The following ADAMTS19 variants were observed in gnomAD, a reference collection of about 807,000 sequenced individuals.
The protein encoded by ADAMTS19 is ADAM metallopeptidase with thrombospondin type 1 motif 19.
In ADAMTS19, 93 loss-of-function variants were observed where a neutral mutation model predicts 153.3. The observed-to-expected ratio is 0.61, with a 90% CI of 0.51 to 0.72. The LOEUF (loss-of-function observed/expected upper bound fraction) is 0.72, where lower values mean the gene tolerates loss of function less well. ADAMTS19 is among the 30% of genes least tolerant of loss of function. The probability of loss-of-function intolerance (pLI) is 0.00; values close to 1 mark genes in which losing one functional copy is unlikely to be tolerated. For missense variants in ADAMTS19, 1,482 were observed against 1,552.1 expected (o/e 0.95, Z 0.76); for synonymous variants, 600 against 556.6 (o/e 1.08, Z -1.10).
In ADAMTS19 at chr5:129,737,337, T is replaced by A; in HGVS notation, c.*119T>A. On this transcript the variant is annotated 3_prime_UTR_variant, in exon 23 of 23. Transcript: ENST00000274487. ...TACATATAATTTAATCAAATTAATT[T>A]ATTTTTTTGCCTGCCAAACATCCAA... The A allele has an allele frequency of 8.8e-7, 1 of 1,130,440 alleles. No individual in the cohort carries two copies. Among genetic ancestry groups the A allele is most frequent in the Non-Finnish European group, 1.2e-6 (1 of 869,344 alleles). The allele number at this position is 1,130,440 out of a possible 1,614,324, so 70.0% of individuals were successfully genotyped here.
rs906572539 is a variant in ADAMTS19 at position 129,658,702 on chromosome 5, T to C, written c.2390T>C (p.Ile797Thr). 5 of 1,612,986 alleles carry C rather than the reference T, an allele frequency of 3.1e-6. No individual in the cohort carries two copies. The highest frequency in any genetic ancestry group is 4.2e-6 in the Non-Finnish European group (5 of 1,179,404). The change falls in exon 15 of 23, where the codon ATC (isoleucine) becomes ACC (threonine). Residue 797 changes from isoleucine (I) to threonine (T), a missense_variant. By Grantham distance (89) the Ile-to-Thr change is moderately conservative. Around this residue, in one of 2 missense-constraint regions of ADAMTS19, gnomAD observed 616 missense variants for 724.4 expected, o/e 0.85. Coordinates refer to ENST00000274487, the MANE Select transcript of ADAMTS19 (RefSeq NM_133638.6). ...AATGGCAATGGAAAATCATGCAAGA[T>C]CATTAAAGGGGATTTTAATCACACC... is the stretch of plus-strand genomic sequence containing the variant. Reference protein sequence around the residue: ...VCNGNGKSCKIIKGDFNHTRG... With the variant: ...VCNGNGKSCKTIKGDFNHTRG...
chr5:129,532,526 GA>G (rs1055857089), intron 6 of ADAMTS19, among the ~76,000 whole-genome samples: 178 of 152,206 alleles, frequency 1.2e-3, no homozygotes, highest in African/African-American at 4.2e-3. Context: ...ACTGGAAAAT[GA>G]GTAGTTTCTT....
chr5:129,519,075 A>C (rs10477708), intron 3 of ADAMTS19, among the ~76,000 whole-genome samples: 14,314 of 151,858 alleles, frequency 0.094, 1,193 homozygotes, highest in African/African-American at 0.23. Flanking sequence ...GTGTTCTATC[A>C]CTCTGTGGCT....
rs150982685 is a variant in ADAMTS19 at position 129,586,675 on chromosome 5, G to A, written c.1373-9884G>A. ...CTGCTTTAGGTAAATACTAACTAGT[G>A]TGATTGCTGGATCATATGGTAAGAG... On this transcript the variant is annotated intron_variant, in intron 7 of 22. Transcript: ENST00000274487. Among the ~76,000 whole-genome samples, 130 of 152,294 alleles carry A rather than the reference G, an allele frequency of 8.5e-4. 1 individual carries two copies. The highest frequency in any genetic ancestry group is 4.2e-3 in the Admixed American group (64 of 15,300).
chr5:129,620,661 G>A lies in ADAMTS19; in HGVS notation c.1522G>A (p.Gly508Ser). Reference sequence around the variant, plus strand: ...CAATGACCACCCATCGTGTGCTGATGGTCTTCATATCATGTCTGGTGAATG... The same window carrying A: ...CAATGACCACCCATCGTGTGCTGATAGTCTTCATATCATGTCTGGTGAATG... ...HDNDHPSCAD[G>S]LHIMSGEWIK... The change falls in exon 9 of 23, where the codon GGT becomes AGT. Residue 508 changes from glycine to serine, a missense_variant. Physicochemically the swap from Gly to Ser is moderately conservative, Grantham distance 56. Transcript: ENST00000274487. 6.2e-7 allele frequency: 1 copy of A among 1,612,014 alleles called. No individual in the cohort carries two copies.
intron 16 of ADAMTS19, 50 bp downstream of exon 16, chr5:129,665,629 C>T (rs1398270664): frequency 2.1e-6 from 3 of 1,415,078 alleles, no homozygotes; most frequent in Admixed American, 3.6e-5. Context: ...GCCCAACTCC[C>T]TGCCCTGAGA....
At chr5:129,644,120 T>G (rs1309376123) in intron 11 of ADAMTS19, among the ~76,000 whole-genome samples, 2 of 152,236 alleles carry the variant, frequency 1.3e-5, no homozygotes, top group African/African-American at 2.4e-5. Flanking sequence ...ATTTTGGCAG[T>G]TAAAACTGTA....
intron 7 of ADAMTS19, among the ~76,000 whole-genome samples, chr5:129,581,541 A>T (rs554844319): frequency 3.8e-4 from 54 of 141,990 alleles, no homozygotes; most frequent in African/African-American, 9.0e-4. Flanking sequence ...ATAATCTTTT[A>T]AAAAAAAAAA....
intron 13 of ADAMTS19, among the ~76,000 whole-genome samples, chr5:129,651,562 G>A (rs1423304418): frequency 2.0e-5 from 3 of 152,106 alleles, no homozygotes; most frequent in African/African-American, 2.4e-5. Flanking sequence ...TACCAGCTGG[G>A]TTTTGACATA....
intron 21 of ADAMTS19, among the ~76,000 whole-genome samples, chr5:129,710,124 C>T (rs9327533): frequency 0.16 from 23,722 of 151,918 alleles, 2,067 homozygotes; most frequent in East Asian, 0.3. Flanking sequence ...TGCTCTTCCT[C>T]CCCCTGCCTC....
chr5:129,724,391 G>A (rs1174870015), intron 21 of ADAMTS19, among the ~76,000 whole-genome samples: 1 of 152,104 alleles, frequency 6.6e-6, no homozygotes, highest in East Asian at 1.9e-4. Context: ...AGGGAGGAGG[G>A]TATAATCAGG....
intron 3 of ADAMTS19, among the ~76,000 whole-genome samples, chr5:129,511,725 A>G (rs2126729395): frequency 6.6e-6 from 1 of 151,818 alleles, no homozygotes; most frequent in South Asian, 2.1e-4. Flanking sequence ...GGTTGAGATA[A>G]TGGACTTCGG....
intron 3 of ADAMTS19, among the ~76,000 whole-genome samples, chr5:129,521,576 C>T (rs1751800171): frequency 1.3e-5 from 2 of 152,094 alleles, no homozygotes; most frequent in South Asian, 4.2e-4. Context: ...ATTTTGACCC[C>T]AAAGAATTGG....
At position 129,527,816 on chromosome 5, in the gene ADAMTS19, G is replaced by T; in HGVS notation, c.1155G>T (p.Leu385=). The T allele has an allele frequency of 6.3e-7, 1 of 1,590,726 alleles. No individual in the cohort carries two copies. Among genetic ancestry groups the T allele is most frequent in the Non-Finnish European group, 8.6e-7 (1 of 1,164,322 alleles). Reference sequence around the variant, plus strand: ...ATCTTCGTGTGATAAAGCTTATTCTGCTCCATGAAACTCCAGTAAGAAAGT... The same window carrying T: ...ATCTTCGTGTGATAAAGCTTATTCTTCTCCATGAAACTCCAGTAAGAAAGT... ...QVNLRVIKLI[L]LHETPPELYI... is the part of the protein sequence containing the mutation. Residue 385 remains leucine (L), a synonymous_variant, in exon 5 of 23, where the codon CTG becomes CTT. Transcript: ENST00000274487.
intron 13 of ADAMTS19, among the ~76,000 whole-genome samples, chr5:129,652,697 G>T (rs1753370253): frequency 6.6e-6 from 1 of 152,140 alleles, no homozygotes; most frequent in South Asian, 2.1e-4. Context: ...GAAATAAAAA[G>T]ATTTTTATCT....
intron 10 of ADAMTS19, among the ~76,000 whole-genome samples, chr5:129,630,285 T>G (rs1443041953): frequency 2.0e-5 from 3 of 152,030 alleles, no homozygotes; most frequent in African/African-American, 7.2e-5. Context: ...ATTGCAAAAT[T>G]CCAGAGGCAA....
intron 2 of ADAMTS19, among the ~76,000 whole-genome samples, chr5:129,478,974 A>G (rs1438436229): frequency 6.6e-6 from 1 of 152,204 alleles, no homozygotes; most frequent in Non-Finnish European, 1.5e-5. Flanking sequence ...CAACACTGCT[A>G]TATGCCATAT....
At chr5:129,732,974 A>T (rs1237715989) in intron 21 of ADAMTS19, among the ~76,000 whole-genome samples, 2 of 152,240 alleles carry the variant, frequency 1.3e-5, no homozygotes, top group East Asian at 3.9e-4. Flanking sequence ...AGATCAAGGG[A>T]ACAGACAAAA....
chr5:129,638,576 TACACACACACAC>T (rs200992336), intron 10 of ADAMTS19, among the ~76,000 whole-genome samples: 1 of 75,794 alleles, frequency 1.3e-5, no homozygotes, highest in African/African-American at 6.3e-5. Flanking sequence ...CACACACACA[TACACACACACAC>T]ACACACACAC....
Sources: gnomAD v4.1 joint callset for allele counts (sites outside exome capture counted in the v4.1 genomes callset) on GRCh38, gnomAD v4.1.1 for gene constraint, gnomAD v4.1.1 regional missense constraint, MANE v1.5 for transcripts, NCBI Gene and HGNC (gene_info 2026-07-23, HGNC 2026-07-21) for gene names.